Variants in CD58 observed in about 807,000 individuals in gnomAD.
CD58 encodes the protein lymphocyte function-associated antigen 3.
A neutral mutation model predicts 27.6 loss-of-function variants in CD58; 14 were observed. The observed-to-expected ratio is 0.51, with a 90% CI of 0.34 to 0.79. The LOEUF (loss-of-function observed/expected upper bound fraction) is 0.79, where lower values mean the gene tolerates loss of function less well. Among genes scored for constraint, CD58 ranks in the 30% least tolerant of loss-of-function variants. The pLI is 0.02. For missense variants in CD58, 268 were observed against 301.7 expected (o/e 0.89, Z 0.83); for synonymous variants, 117 against 103.8 (o/e 1.13, Z -0.77).
chr1:116,553,604 A>T (rs554507219), intron 1 of CD58, among the ~76,000 whole-genome samples: 1 of 152,312 alleles, frequency 6.6e-6, no homozygotes, highest in South Asian at 2.1e-4. Context: ...AGGAAGACTA[A>T]GACTGGCCTG....
Position 116,536,938 on chromosome 1 carries a change from T to G in CD58, c.365-710A>C, listed in dbSNP as rs1406833346. On this transcript the variant is annotated intron_variant, in intron 2 of 5. Transcript: ENST00000369489. This position sits in a 1 kb window ranked among gnomAD's most constrained non-coding sequence, Gnocchi z 5.4. ...AGTCTTTCTCACTCACTTCAAATATTCATTATCGTTTCACCACAAAAATAT... is the reference window on the plus strand; with the variant it reads ...AGTCTTTCTCACTCACTTCAAATATGCATTATCGTTTCACCACAAAAATAT... Among the ~76,000 whole-genome samples, 2 of 152,196 alleles carry G rather than the reference T, an allele frequency of 1.3e-5. No individual in the cohort carries two copies. Among genetic ancestry groups the G allele is most frequent in the Non-Finnish European group, 2.9e-5 (2 of 68,036 alleles).
chr1:116,561,441 G>T (rs1658746715), intron 1 of CD58, among the ~76,000 whole-genome samples: 1 of 152,158 alleles, frequency 6.6e-6, no homozygotes, highest in African/African-American at 2.4e-5. Context: ...GGAGTGAAAT[G>T]TGGGTACCTA....
chr1:116,526,848 C>T (rs1657447107), intron 3 of CD58, among the ~76,000 whole-genome samples: 1 of 152,148 alleles, frequency 6.6e-6, no homozygotes, highest in African/African-American at 2.4e-5. Context: ...TTTAGTTCTT[C>T]TTTGATTTTG....
chr1:116,562,623 T>C (rs1331564639), intron 1 of CD58, among the ~76,000 whole-genome samples: 2 of 152,182 alleles, frequency 1.3e-5, no homozygotes, highest in African/African-American at 4.8e-5. Context: ...CTCACAATCA[T>C]GGCAGAAGGC....
chr1:116,520,566 G>C (rs893791026), intron 4 of CD58, among the ~76,000 whole-genome samples: 1 of 149,814 alleles, frequency 6.7e-6, no homozygotes, highest in African/African-American at 2.5e-5. Flanking sequence ...TGGAAACTCA[G>C]TGCCACCTCT....
rs1045746853 is a variant in CD58, at chr1:116,570,627, G to C, written c.70+276C>G. ...CTGGAGCTCGGGAGGGGGCCGGCGG[G>C]GGGGCGCAGGCCCCGCAGGAGAGGC... On this transcript the variant is annotated intron_variant, in intron 1 of 5. Transcript: ENST00000369489. The surrounding 1 kb of genome is among the most constrained non-coding windows in gnomAD (Gnocchi z 6.4). Among the ~76,000 whole-genome samples, 6 of 152,198 alleles carry C rather than the reference G, an allele frequency of 3.9e-5. No homozygotes were observed. Among genetic ancestry groups the C allele is most frequent in the Admixed American group, 6.5e-5 (1 of 15,292 alleles).
chr1:116,560,994 C>T (rs1227936602), intron 1 of CD58, among the ~76,000 whole-genome samples: 1 of 152,104 alleles, frequency 6.6e-6, no homozygotes, highest in African/African-American at 2.4e-5. Flanking sequence ...AGTAAAGCTT[C>T]AAAAAAGCTT....
At chr1:116,566,258 A>C (rs1658931993) in intron 1 of CD58, among the ~76,000 whole-genome samples, 1 of 152,232 alleles carries the variant, frequency 6.6e-6, no homozygotes, top group Non-Finnish European at 1.5e-5. Flanking sequence ...TTGGGGTTTA[A>C]TGTAGATTAG....
Position 116,534,616 on chromosome 1 carries a change from G to C in CD58, c.628+1349C>G, listed in dbSNP as rs938957369. Among the ~76,000 whole-genome samples, 20 of 152,274 alleles carry C rather than the reference G, an allele frequency of 1.3e-4. No individual in the cohort carries two copies. Among genetic ancestry groups the C allele is most frequent in the African/African-American group, 4.3e-4 (18 of 41,578 alleles). ...CAGGGGCGCACCGGGTGCTGGGAGGGGCCGCTCCAGGCCCCAAGCCCCAGG... is the reference window on the plus strand; with the variant it reads ...CAGGGGCGCACCGGGTGCTGGGAGGCGCCGCTCCAGGCCCCAAGCCCCAGG... On this transcript the variant is annotated intron_variant, in intron 3 of 5. Coordinates refer to ENST00000369489, the MANE Select transcript of CD58 (RefSeq NM_001779.3). This position sits in a 1 kb window ranked among gnomAD's most constrained non-coding sequence, Gnocchi z 5.3.
chr1:116,518,901 C>A, intron 5 of CD58: 1 of 1,082,706 alleles, frequency 9.2e-7, no homozygotes, highest in Non-Finnish European at 1.2e-6. Flanking sequence ...GATTTAAATC[C>A]CAGCCCATCA....
rs1657021535 is a variant in CD58, at chr1:116,514,736, C to T, written c.*77G>A. Reference sequence around the variant, plus strand: ...CAACAGTTGTTCAAAAATTGTAATACTCAAATGAGAAATCAGATGGCTTTT... The same window carrying T: ...CAACAGTTGTTCAAAAATTGTAATATTCAAATGAGAAATCAGATGGCTTTT... On this transcript the variant is annotated 3_prime_UTR_variant, in exon 6 of 6. Coordinates refer to ENST00000369489, the MANE Select transcript of CD58 (RefSeq NM_001779.3). The T allele has an allele frequency of 3.1e-6, 3 of 961,214 alleles. No individual in the cohort carries two copies. Among genetic ancestry groups the T allele is most frequent in the South Asian group, 3.0e-5 (2 of 67,100 alleles). The allele number at this position is 961,214 out of a possible 1,614,324, so 59.5% of individuals were successfully genotyped here. A position where few individuals can be genotyped will look rare whatever the true frequency, so the allele number is the denominator to read the frequency against.
chr1:116,533,436 T>C (rs1000291399), intron 3 of CD58: 3 of 762,766 alleles, frequency 3.9e-6, no homozygotes, highest in African/African-American at 3.4e-5. Context: ...CAGGACTGAG[T>C]TGGCAAAGCA....
chr1:116,568,387 A>C (rs770154160), intron 1 of CD58, among the ~76,000 whole-genome samples: 1 of 152,216 alleles, frequency 6.6e-6, no homozygotes, highest in South Asian at 2.1e-4. Flanking sequence ...GCAAATGTTC[A>C]CTGTACTAAT....
chr1:116,529,699 T>C (rs139024031), intron 3 of CD58, among the ~76,000 whole-genome samples: 52 of 152,344 alleles, frequency 3.4e-4, no homozygotes, highest in African/African-American at 1.2e-3. Flanking sequence ...ATGTAAATCA[T>C]TTACAGGAGT....
chr1:116,544,843 G>A (rs1196336152), intron 1 of CD58, among the ~76,000 whole-genome samples: 2 of 152,196 alleles, frequency 1.3e-5, no homozygotes, highest in East Asian at 1.9e-4. Context: ...GGCTGGGCTG[G>A]GAATATGGGG....
At position 116,544,293 on chromosome 1, in the gene CD58, A is replaced by G; in HGVS notation, c.364+18T>C. 3 of 1,558,446 alleles carry G rather than the reference A, an allele frequency of 1.9e-6. No individual in the cohort carries two copies. The highest frequency in any genetic ancestry group is 2.6e-6 in the Non-Finnish European group (3 of 1,152,900). ...GGAAATTTGCCATTTTAAACAAATC[A>G]ACTTATGGAATACTCACCAAGCACA... is the stretch of plus-strand genomic sequence containing the variant. On this transcript the variant is annotated intron_variant, in intron 2 of 5. Transcript: ENST00000369489.
Position 116,516,056 on chromosome 1 carries a change from T to C in CD58, c.744-1234A>G, listed in dbSNP as rs1164549356. ...AACCTTTTAACATTTTAATTTAACT[T>C]AATTTTTTTGATGCCCAGGCTGGTC... On this transcript the variant is annotated intron_variant, in intron 5 of 5. Coordinates refer to ENST00000369489, the MANE Select transcript of CD58 (RefSeq NM_001779.3). This position sits in a 1 kb window ranked among gnomAD's most constrained non-coding sequence, Gnocchi z 6.1. 6.6e-6 allele frequency among the ~76,000 whole-genome samples: 1 copy of C among 152,162 alleles called. No homozygotes were observed. Among genetic ancestry groups the C allele is most frequent in the Non-Finnish European group, 1.5e-5 (1 of 68,036 alleles).
intron 3 of CD58, among the ~76,000 whole-genome samples, chr1:116,526,445 A>G (rs1385926669): frequency 6.6e-6 from 1 of 152,206 alleles, no homozygotes; most frequent in East Asian, 1.9e-4. Flanking sequence ...TGAAAAGATC[A>G]TCTTTGCTCC....
In CD58 at chr1:116,517,401, C is replaced by T. The variant is rs1357240362; in HGVS notation, c.743+1830G>A. On this transcript the variant is annotated intron_variant, in intron 5 of 5. Transcript: ENST00000369489. The surrounding 1 kb of genome is among the most constrained non-coding windows in gnomAD (Gnocchi z 6.5). Reference sequence around the variant, plus strand: ...ACTTCCTTGCCCCCAGGCCTCCTGCCACAGCTTGTTTCTCCTGCACTGTTC... The same window carrying T: ...ACTTCCTTGCCCCCAGGCCTCCTGCTACAGCTTGTTTCTCCTGCACTGTTC... Among the ~76,000 whole-genome samples the T allele has an allele frequency of 6.6e-6, 1 of 152,166 alleles. No individual in the cohort carries two copies. Among genetic ancestry groups the T allele is most frequent in the East Asian group, 1.9e-4 (1 of 5,192 alleles).
Sources: gnomAD v4.1 joint callset for allele counts (sites outside exome capture counted in the v4.1 genomes callset) on GRCh38, gnomAD v4.1.1 for gene constraint, Gnocchi (gnomAD v3.1) non-coding constraint, MANE v1.5 for transcripts, NCBI Gene and HGNC (gene_info 2026-07-23, HGNC 2026-07-21) for gene names.